Variants in SH3RF1 observed in about 807,000 individuals in gnomAD.
SH3RF1 encodes SH3 domain containing ring finger 1.
A neutral mutation model predicts 74.0 loss-of-function variants in SH3RF1; 32 were observed. That is an observed-to-expected ratio of 0.43 (90% CI 0.33 to 0.58). The LOEUF (loss-of-function observed/expected upper bound fraction) is 0.58. Ranked by LOEUF, SH3RF1 falls within the 20% of genes least tolerant of loss-of-function variation. The pLI, the probability that SH3RF1 is intolerant of heterozygous loss-of-function variation, is 0.05. For missense variants in SH3RF1, 954 were observed against 1,130.9 expected (o/e 0.84, Z 2.24); for synonymous variants, 396 against 439.6 (o/e 0.90, Z 1.24).
intron 2 of SH3RF1, among the ~76,000 whole-genome samples, chr4:169,191,087 C>T (rs1463927529): frequency 6.6e-6 from 1 of 152,014 alleles, no homozygotes; most frequent in Non-Finnish European, 1.5e-5. Flanking sequence ...GTAATAAAAG[C>T]CATCTATGAC....
At chr4:169,238,502 T>C (rs1047645363) in intron 2 of SH3RF1, among the ~76,000 whole-genome samples, 5 of 152,348 alleles carry the variant, frequency 3.3e-5, no homozygotes, top group African/African-American at 1.2e-4. Flanking sequence ...CTTGTCCTGA[T>C]AGATGCCTGT....
chr4:169,228,114 A>G (rs772460543), intron 2 of SH3RF1, among the ~76,000 whole-genome samples: 43 of 152,212 alleles, frequency 2.8e-4, no homozygotes, highest in Non-Finnish European at 5.6e-4. Flanking sequence ...CCATCATTGA[A>G]TAGAATATAT....
intron 2 of SH3RF1, among the ~76,000 whole-genome samples, chr4:169,178,367 C>CAACTATGCTTATTTAAAAAAATAAGCA (rs1424556450): frequency 7.0e-6 from 1 of 143,668 alleles, no homozygotes; most frequent in African/African-American, 2.5e-5. Flanking sequence ...AAAAAATAAG[C>CAACTATGCTTATTTAAAAAAATAAGCA]ATTGTTATGT....
chr4:169,117,884 C>G, intron 8 of SH3RF1, 102 bp from the exon 9 acceptor site: 1 of 1,350,328 alleles, frequency 7.4e-7, no homozygotes, highest in Non-Finnish European at 1.0e-6. Context: ...AAACATAGAA[C>G]ATTTTAAAAA....
intron 2 of SH3RF1, among the ~76,000 whole-genome samples, chr4:169,265,754 G>T (rs1158233715): frequency 6.6e-6 from 1 of 152,146 alleles, no homozygotes; most frequent in African/African-American, 2.4e-5. Context: ...GGGATTATAG[G>T]CGTGAGCCAC....
At chr4:169,268,359 T>C (rs564969872) in intron 2 of SH3RF1, among the ~76,000 whole-genome samples, 29 of 152,302 alleles carry the variant, frequency 1.9e-4, no homozygotes, top group South Asian at 1.9e-3. Context: ...ATAAAACCAA[T>C]AGAATGATTC....
rs974489812 is a variant in SH3RF1 at position 169,252,020 on chromosome 4, T to C, written c.393+16800A>G. On this transcript the variant is annotated intron_variant, in intron 2 of 11. Coordinates refer to ENST00000284637, the MANE Select transcript of SH3RF1 (RefSeq NM_020870.4). ...GTTGAAGCCTATAAAAGATAGGTGG[T>C]GTGCCTACAAGAGCGAGGACTCTGG... Among the ~76,000 whole-genome samples the C allele has an allele frequency of 2.6e-5, 4 of 152,234 alleles. No individual in the cohort carries two copies. The East Asian group carries it at 5.8e-4, about 22-fold the overall frequency.
At chr4:169,181,382 C>A (rs1018341592) in intron 2 of SH3RF1, among the ~76,000 whole-genome samples, 1 of 151,576 alleles carries the variant, frequency 6.6e-6, no homozygotes, top group African/African-American at 2.4e-5. Context: ...CCTGCCTCAG[C>A]CTCCTGACTA....
At chr4:169,203,291 C>T (rs574693930) in intron 2 of SH3RF1, among the ~76,000 whole-genome samples, 3 of 152,304 alleles carry the variant, frequency 2.0e-5, no homozygotes, top group Admixed American at 6.5e-5. Context: ...TGGCTTATGC[C>T]TGTAATCCCA....
intron 11 of SH3RF1, among the ~76,000 whole-genome samples, chr4:169,105,819 G>A (rs1430863476): frequency 6.6e-6 from 1 of 152,144 alleles, no homozygotes; most frequent in Non-Finnish European, 1.5e-5. Context: ...CCAGGATGTT[G>A]AGGCTTCAGT....
At chr4:169,260,454 A>G (rs887468148) in intron 2 of SH3RF1, among the ~76,000 whole-genome samples, 1 of 152,236 alleles carries the variant, frequency 6.6e-6, no homozygotes, top group African/African-American at 2.4e-5. Flanking sequence ...GCTGCAAGGC[A>G]GAGAAGTTAA....
chr4:169,186,119 T>C (rs1240048802), intron 2 of SH3RF1, among the ~76,000 whole-genome samples: 2 of 152,156 alleles, frequency 1.3e-5, no homozygotes, highest in East Asian at 1.9e-4. Context: ...GCAGGTTATA[T>C]AGAAAAATTA....
intron 11 of SH3RF1, among the ~76,000 whole-genome samples, chr4:169,100,699 T>C (rs1462490056): frequency 1.3e-5 from 2 of 152,178 alleles, no homozygotes; most frequent in African/African-American, 2.4e-5. Context: ...CAAAAAATCA[T>C]TAACAGCTTT....
rs116290712 is a variant in SH3RF1 at position 169,097,488 on chromosome 4, G to A, written c.2499-801C>T. On this transcript the variant is annotated intron_variant, in intron 11 of 11. Coordinates refer to ENST00000284637, the MANE Select transcript of SH3RF1 (RefSeq NM_020870.4). The stretch of plus-strand genomic sequence containing the variant: ...GCTTAAAAATGGCAGAAGCTTAGTT[G>A]GTTTAATATTATCTGTGCCCCTGCC... 7.1e-3 allele frequency among the ~76,000 whole-genome samples: 1,083 copies of A among 152,276 alleles called. 19 individuals carry two copies. Among genetic ancestry groups the A allele is most frequent in the African/African-American group, 0.023 (939 of 41,548 alleles).
At chr4:169,121,173 A>G (rs1219262866) in intron 7 of SH3RF1, among the ~76,000 whole-genome samples, 184 bp from the exon 8 acceptor site, 1 of 152,232 alleles carries the variant, frequency 6.6e-6, no homozygotes, top group African/African-American at 2.4e-5. Flanking sequence ...CTACATTTTA[A>G]AAGTAGGCAG....
At position 169,121,842 on chromosome 4, in the gene SH3RF1, A is replaced by G. The variant is rs531895752; in HGVS notation, c.1346+258T>C. The stretch of plus-strand genomic sequence containing the variant: ...TATGCAAGAAATGAAAATAAAGATA[A>G]AAAGTTCAAACAGGAGTTGTACAAA... On this transcript the variant is annotated intron_variant, in intron 7 of 11. Coordinates refer to ENST00000284637, the MANE Select transcript of SH3RF1 (RefSeq NM_020870.4). Among the ~76,000 whole-genome samples the G allele has an allele frequency of 3.9e-5, 6 of 152,344 alleles. No individual in the cohort carries two copies. In the South Asian group the frequency reaches 1.2e-3, roughly 32 times the overall value.
At chr4:169,148,832 T>C (rs775693631) in intron 4 of SH3RF1, among the ~76,000 whole-genome samples, 6 of 152,200 alleles carry the variant, frequency 3.9e-5, no homozygotes, top group Admixed American at 6.5e-5. Flanking sequence ...GAGCTTTCTA[T>C]ACAGACAAAG....
At chr4:169,185,108 T>TA (rs1457391906) in intron 2 of SH3RF1, among the ~76,000 whole-genome samples, 8 of 152,230 alleles carry the variant, frequency 5.3e-5, no homozygotes, top group Non-Finnish European at 8.8e-5. Flanking sequence ...TATATTAAGA[T>TA]AGTTACCTAA....
intron 2 of SH3RF1, among the ~76,000 whole-genome samples, chr4:169,192,801 T>G (rs1190612714): frequency 2.0e-5 from 3 of 148,656 alleles, no homozygotes; most frequent in Non-Finnish European, 4.5e-5. Context: ...TTCTTTTATA[T>G]ATATATGATA....
Sources: allele counts gnomAD v4.1 joint callset (sites outside exome capture counted in the v4.1 genomes callset), GRCh38; gene constraint gnomAD v4.1.1; transcripts MANE v1.5; gene names NCBI Gene and HGNC (gene_info 2026-07-23, HGNC 2026-07-21).